Variants in MACF1 observed in about 807,000 individuals in gnomAD.
MACF1 encodes the protein microtubule-actin cross-linking factor 1.
A neutral mutation model predicts 854.8 loss-of-function variants in MACF1; 193 were observed. The ratio of observed to expected loss-of-function variants is 0.23; its 90% CI spans 0.20 to 0.25. The LOEUF (loss-of-function observed/expected upper bound fraction) is 0.25, where lower values mean the gene tolerates loss of function less well. Among genes scored for constraint, MACF1 ranks in the 10% least tolerant of loss-of-function variants. The pLI is 1.00. For missense variants in MACF1, 7,722 were observed against 8,929.1 expected, an observed-to-expected ratio of 0.86 and a Z score of 5.45; for synonymous variants, 3,185 against 3,226.7, an observed-to-expected ratio of 0.99 and a Z score of 0.44.
At position 39,334,161 on chromosome 1, in the gene MACF1, G is replaced by A; in HGVS notation, c.7573G>A (p.Gly2525Ser). 6.2e-7 allele frequency: 1 copy of A among 1,614,050 alleles called. No individual in the cohort carries two copies. The highest frequency in any genetic ancestry group is 1.7e-5 in the Admixed American group (1 of 60,018). The change falls in exon 37 of 101, where the codon GGC becomes AGC. Residue 2525 changes from glycine to serine, a missense_variant. Coordinates refer to ENST00000564288, the MANE Select transcript of MACF1 (RefSeq NM_001394062.1). ...TTCTGTTGATAATGCCTTCAGACAT[G>A]GCTTAATTGGTGAAGATTTAGCCGA... is the stretch of plus-strand genomic sequence containing the variant. ...RLSVDNAFRH[G>S]LIGEDLAEKL...
intron 2 of MACF1, among the ~76,000 whole-genome samples, chr1:39,180,295 A>G (rs1639182250): frequency 6.6e-6 from 1 of 152,056 alleles, no homozygotes; most frequent in African/African-American, 2.4e-5. Flanking sequence ...TATTTTTCTT[A>G]GGGATGAGTT....
intron 2 of MACF1, among the ~76,000 whole-genome samples, chr1:39,176,747 G>A (rs1644034541): frequency 6.6e-6 from 1 of 152,176 alleles, no homozygotes; most frequent in Non-Finnish European, 1.5e-5. Context: ...GAGGAACTGA[G>A]CCCACCTGGA....
chr1:39,270,266 G>A (rs1393240488), intron 6 of MACF1, among the ~76,000 whole-genome samples: 2 of 152,202 alleles, frequency 1.3e-5, no homozygotes, highest in Non-Finnish European at 2.9e-5. Flanking sequence ...TAGGTGGAGA[G>A]GGCTCATCCT....
chr1:39,460,891 GC>G lies in MACF1; in HGVS notation c.21523+99del. 1 of 1,430,764 alleles carries G rather than the reference GC, an allele frequency of 7.0e-7. No individual in the cohort carries two copies. The highest frequency in any genetic ancestry group is 9.7e-7 in the Non-Finnish European group (1 of 1,032,250). 88.6% of individuals were successfully genotyped at this position (1,430,764 alleles called of 1,614,324 possible). A position where few individuals can be genotyped will look rare whatever the true frequency, so the allele number is the denominator to read the frequency against. ...TAGCTAAACAGTCTTTCTGAAGCTG[GC>G]CAGGAGCTTGGCTCACACCTGTAAT... On this transcript the variant is annotated intron_variant, in intron 92 of 100. Transcript: ENST00000564288. The surrounding 1 kb of genome is among the most constrained non-coding windows in gnomAD (Gnocchi z 4.1).
chr1:39,175,941 C>A (rs374900670), intron 2 of MACF1, among the ~76,000 whole-genome samples: 187 of 98,424 alleles, frequency 1.9e-3, no homozygotes, highest in Admixed American at 2.4e-3. Context: ...ACTAAAAATA[C>A]AAAAAAAAAA....
intron 2 of MACF1, among the ~76,000 whole-genome samples, chr1:39,197,436 C>T (rs2148256419): frequency 6.6e-6 from 1 of 152,170 alleles, no homozygotes; most frequent in South Asian, 2.1e-4. Flanking sequence ...CCCAAATTTC[C>T]TAGGTGTTTT....
chr1:39,358,844 G>C lies in MACF1; in HGVS notation c.12091G>C (p.Val4031Leu), dbSNP rs757005486. 7.4e-6 allele frequency: 12 copies of C among 1,611,248 alleles called. No homozygotes were observed. The South Asian group carries it at 1.3e-4, about 18-fold the overall frequency. The change falls in exon 46 of 101, where the codon GTT becomes CTT. Residue 4031 changes from valine to leucine, a missense_variant. Transcript: ENST00000564288. ...LSDTVASDPG[V>L]LQEQLATTKQ... is the part of the protein sequence containing the mutation. ...AGATACTGTTGCCTCTGACCCTGGA[G>C]TTCTCCAGGAGCAGCTTGCAACAAC... is the stretch of plus-strand genomic sequence containing the variant.
intron 38 of MACF1, 111 bp from the exon 39 acceptor site, chr1:39,340,391 C>A: frequency 1.4e-6 from 1 of 714,804 alleles, no homozygotes; most frequent in Non-Finnish European, 2.3e-6. Flanking sequence ...AAAACATTTT[C>A]TAAGCCCTAA....
intron 44 of MACF1, among the ~76,000 whole-genome samples, chr1:39,355,898 T>C (rs1647518293): frequency 6.6e-6 from 1 of 152,178 alleles, no homozygotes; most frequent in Non-Finnish European, 1.5e-5. Context: ...AGTCTTGCTA[T>C]GTTGTTGCTC....
At chr1:39,234,408 C>T (rs1418717301) in intron 2 of MACF1, among the ~76,000 whole-genome samples, 2 of 149,390 alleles carry the variant, frequency 1.3e-5, no homozygotes, top group African/African-American at 2.5e-5. Flanking sequence ...GGCGGCTGGC[C>T]GGGCAGGGGG....
intron 2 of MACF1, among the ~76,000 whole-genome samples, chr1:39,186,170 A>ATCTCTCTCTC (rs55658204): frequency 1.2e-3 from 131 of 109,778 alleles, no homozygotes; most frequent in Non-Finnish European, 1.7e-3. Context: ...GATTCTGAAC[A>ATCTCTCTCTC]TCTCTCTCTC....
chr1:39,410,280 C>T, intron 58 of MACF1: 3 of 1,593,814 alleles, frequency 1.9e-6, no homozygotes, highest in Non-Finnish European at 1.7e-6. Context: ...GTAAGCCACT[C>T]AGCAGACCAG....
At chr1:39,464,285 G>A (rs1036680004) in intron 94 of MACF1, 9 of 152,674 alleles carry the variant, frequency 5.9e-5, no homozygotes, top group African/African-American at 2.2e-4. Flanking sequence ...TATATCAACA[G>A]CTCGTCAAGA....
intron 21 of MACF1, 42 bp downstream of exon 21, chr1:39,297,787 G>A: frequency 1.9e-6 from 3 of 1,606,706 alleles, no homozygotes; most frequent in Non-Finnish European, 2.6e-6. Flanking sequence ...CTGAGAAAGA[G>A]AGTAAACCAT....
At chr1:39,416,498 A>G (rs1044966503) in intron 58 of MACF1, among the ~76,000 whole-genome samples, 6 of 152,134 alleles carry the variant, frequency 3.9e-5, no homozygotes, top group African/African-American at 1.4e-4. Context: ...AAAAAGAAAA[A>G]AAAAAAAACA....
intron 50 of MACF1, 28 bp downstream of exon 50, chr1:39,368,342 T>C (rs773041933): frequency 6.3e-7 from 1 of 1,591,416 alleles, no homozygotes; most frequent in East Asian, 2.2e-5. Flanking sequence ...TTGGTCAGCA[T>C]TGGGGAACTA....
intron 47 of MACF1, among the ~76,000 whole-genome samples, chr1:39,360,010 AAAATATATATATAT>A (rs1647981566): frequency 4.2e-4 from 16 of 38,288 alleles, no homozygotes; most frequent in African/African-American, 1.7e-3. Context: ...AAAAAAAAAA[AAAATATATATATAT>A]ATATATATAT....
chr1:39,143,989 T>C (rs1472465250), intron 2 of MACF1, among the ~76,000 whole-genome samples: 1 of 151,742 alleles, frequency 6.6e-6, no homozygotes, highest in Non-Finnish European at 1.5e-5. Context: ...GGGCTTTCAC[T>C]GTGTTAGCCA....
chr1:39,242,152 A>G (rs1268658169), intron 2 of MACF1, among the ~76,000 whole-genome samples: 1 of 152,120 alleles, frequency 6.6e-6, no homozygotes, highest in Non-Finnish European at 1.5e-5. Flanking sequence ...GTTCAAGACC[A>G]GCCTGGCCAA....
Sources: allele counts gnomAD v4.1 joint callset (sites outside exome capture counted in the v4.1 genomes callset), GRCh38; gene constraint gnomAD v4.1.1; non-coding constraint Gnocchi (gnomAD v3.1); transcripts MANE v1.5; gene names NCBI Gene and HGNC (gene_info 2026-07-23, HGNC 2026-07-21).